Variants in OR14J1 observed in about 807,000 individuals in gnomAD.
The protein encoded by OR14J1 is olfactory receptor family 14 subfamily J member 1.
For synonymous variants in OR14J1, 140 were observed against 146.7 expected, an observed-to-expected ratio of 0.95 and a Z score of 0.33; for missense variants, 378 against 393.4, an observed-to-expected ratio of 0.96 and a Z score of 0.33.
rs1775352216 is a variant in OR14J1, at chr6:29,309,484, T to C, written c.*1829T>C. On this transcript the variant is annotated 3_prime_UTR_variant, in exon 2 of 2. Transcript: ENST00000641895. ...ACTGTTTCCACAATGGTTGAACTAG[T>C]TTACAGTCCCACCAACAGTGTAAAA... is the stretch of plus-strand genomic sequence containing the variant. 6.6e-6 allele frequency: 1 copy of C among 152,238 alleles called. No individual in the cohort carries two copies. Among genetic ancestry groups the C allele is most frequent in the Admixed American group, 6.5e-5 (1 of 15,290 alleles). 9.4% of individuals were successfully genotyped at this position (152,238 alleles called of 1,614,324 possible).
intron 1 of OR14J1, among the ~76,000 whole-genome samples, chr6:29,304,691 G>T (rs1294403755): frequency 3.3e-5 from 5 of 152,092 alleles, no homozygotes; most frequent in Non-Finnish European, 5.9e-5. Context: ...TGTCTTCAAA[G>T]AAAATAAAAA....
chr6:29,307,720 C>T lies in OR14J1; in HGVS notation c.*65C>T. ...ATTGGAAGAGAGGTGAATCTTATTT[C>T]TACCCAGAATGCTCTTCCAAGCTGT... On this transcript the variant is annotated 3_prime_UTR_variant, in exon 2 of 2. Transcript: ENST00000641895. The T allele has an allele frequency of 1.1e-6, 1 of 936,018 alleles. No homozygotes were observed. The highest frequency in any genetic ancestry group is 1.6e-6 in the Non-Finnish European group (1 of 615,454). 58.0% of individuals were successfully genotyped at this position (936,018 alleles called of 1,614,324 possible).
At chr6:29,304,170 A>G (rs1774910210) in intron 1 of OR14J1, among the ~76,000 whole-genome samples, 1 of 152,202 alleles carries the variant, frequency 6.6e-6, no homozygotes, top group African/African-American at 2.4e-5. Flanking sequence ...AATAGAGGAA[A>G]ATAGTGAAGA....
In OR14J1 at chr6:29,307,494, G is replaced by T; in HGVS notation, c.805G>T (p.Asp269Tyr). 1.9e-6 allele frequency: 3 copies of T among 1,612,878 alleles called. No individual in the cohort carries two copies. Among genetic ancestry groups the T allele is most frequent in the Non-Finnish European group, 2.5e-6 (3 of 1,180,004 alleles). Reference protein sequence around the residue: ...RLPSDSSSTVDLVFSVFYTVI... With the variant: ...RLPSDSSSTVYLVFSVFYTVI... ...GCCTTCTGATTCCTCATCGACTGTG[G>T]ACCTTGTATTCTCCGTATTCTATAC... Residue 269 changes from aspartate to tyrosine, a missense_variant, in exon 2 of 2, where the codon GAC becomes TAC. Asp to Tyr is a radical substitution (Grantham distance 160, BLOSUM62 -3). Transcript: ENST00000641895.
rs568228887 is a variant in OR14J1, at chr6:29,309,138, C to G, written c.*1483C>G. ...AACATGCAATGTTTAGTTTTATGTTCTTGTGTTAGTTTGCTGAGAATGATG... is the reference window on the plus strand; with the variant it reads ...AACATGCAATGTTTAGTTTTATGTTGTTGTGTTAGTTTGCTGAGAATGATG... On this transcript the variant is annotated 3_prime_UTR_variant, in exon 2 of 2. Transcript: ENST00000641895. The G allele has an allele frequency of 1.3e-5, 2 of 152,260 alleles. No homozygotes were observed. Among genetic ancestry groups the G allele is most frequent in the South Asian group, 2.1e-4 (1 of 4,826 alleles). 9.4% of individuals were successfully genotyped at this position (152,260 alleles called of 1,614,324 possible).
At position 29,308,835 on chromosome 6, in the gene OR14J1, C is replaced by A. The variant is rs1431642921; in HGVS notation, c.*1180C>A. ...GTTATAATATCTACATATGCATATA[C>A]CTTAGTAAGTTTTTTTTCTTTAATC... On this transcript the variant is annotated 3_prime_UTR_variant, in exon 2 of 2. Coordinates refer to ENST00000641895, the MANE Select transcript of OR14J1 (RefSeq NM_030946.2). The A allele has an allele frequency of 3.8e-5, 1 of 26,570 alleles. No individual in the cohort carries two copies. Among genetic ancestry groups the A allele is most frequent in the East Asian group, 1.1e-3 (1 of 898 alleles). The allele number at this position is 26,570 out of a possible 1,614,324, so 1.6% of individuals were successfully genotyped here.
chr6:29,307,024 T>G lies in OR14J1; in HGVS notation c.335T>G (p.Ile112Ser), dbSNP rs1410227435. The G allele has an allele frequency of 6.2e-7, 1 of 1,613,058 alleles. No homozygotes were observed. Among genetic ancestry groups the G allele is most frequent in the Non-Finnish European group, 8.5e-7 (1 of 1,180,032 alleles). ...FIALASSEVA[I>S]LTVMSYDRYA... The stretch of plus-strand genomic sequence containing the variant: ...GCTCTGGCCTCATCAGAAGTGGCCA[T>G]TCTCACAGTGATGTCTTATGACAGG... Residue 112 changes from isoleucine to serine, a missense_variant, in exon 2 of 2, where the codon ATT becomes AGT. Physicochemically the swap from Ile to Ser is moderately radical, Grantham distance 142. Transcript: ENST00000641895.
Position 29,308,227 on chromosome 6 carries a change from C to A in OR14J1, c.*572C>A, listed in dbSNP as rs995790467. The A allele has an allele frequency of 2.6e-5, 4 of 152,062 alleles. No individual in the cohort carries two copies. Among genetic ancestry groups the A allele is most frequent in the African/African-American group, 9.7e-5 (4 of 41,404 alleles). The allele number at this position is 152,062 out of a possible 1,614,324, so 9.4% of individuals were successfully genotyped here. On this transcript the variant is annotated 3_prime_UTR_variant, in exon 2 of 2. Coordinates refer to ENST00000641895, the MANE Select transcript of OR14J1 (RefSeq NM_030946.2). ...GGATTAGTTAATTTTCCTGAGATTTCTCAAATAAATGGTAGTTAAGCTCTG... is the reference window on the plus strand; with the variant it reads ...GGATTAGTTAATTTTCCTGAGATTTATCAAATAAATGGTAGTTAAGCTCTG...
chr6:29,303,383 A>T (rs2151188128), intron 1 of OR14J1, among the ~76,000 whole-genome samples: 1 of 152,340 alleles, frequency 6.6e-6, no homozygotes, highest in East Asian at 1.9e-4. Context: ...GTTTTAGAAG[A>T]AAGAACTGTA....
chr6:29,303,210 G>C (rs1196406729), intron 1 of OR14J1, among the ~76,000 whole-genome samples: 1 of 152,160 alleles, frequency 6.6e-6, no homozygotes, highest in African/African-American at 2.4e-5. Flanking sequence ...GAATATTTTT[G>C]AGTAAACAAA....
At chr6:29,305,491 A>G (rs1173877303) in intron 1 of OR14J1, among the ~76,000 whole-genome samples, 1 of 152,218 alleles carries the variant, frequency 6.6e-6, no homozygotes, top group African/African-American at 2.4e-5. Context: ...AGAAATGGAC[A>G]GAAATGATGA....
Position 29,307,237 on chromosome 6 carries a change from T to C in OR14J1, c.548T>C (p.Leu183Pro). 1 of 1,613,050 alleles carries C rather than the reference T, an allele frequency of 6.2e-7. No individual in the cohort carries two copies. Among genetic ancestry groups the C allele is most frequent in the Middle Eastern group, 1.6e-4 (1 of 6,062 alleles). The change falls in exon 2 of 2, where the codon CTG becomes CCG. Residue 183 changes from leucine (L) to proline (P), a missense_variant. Leu to Pro is a moderately conservative substitution (Grantham distance 98, BLOSUM62 -3). Transcript: ENST00000641895. ...TTCTTCTGTGATGTTCCTCAGATGC[T>C]GAAACTAGCCTGTTCTTATGAATTC... ...HQFFCDVPQM[L>P]KLACSYEFIN...
rs1775205191 is a variant in OR14J1, at chr6:29,307,594, T to G, written c.905T>G (p.Met302Arg). ...NDSMKAALRK[M>R]LSKEELPQRK... ...TCCATGAAGGCAGCACTGAGGAAGATGCTGTCAAAGGAAGAGCTTCCTCAG... is the reference window on the plus strand; with the variant it reads ...TCCATGAAGGCAGCACTGAGGAAGAGGCTGTCAAAGGAAGAGCTTCCTCAG... The change falls in exon 2 of 2, where the codon ATG becomes AGG. Residue 302 changes from methionine to arginine, a missense_variant. Physicochemically the swap from Met to Arg is moderately conservative, Grantham distance 91. Transcript: ENST00000641895. 2 of 1,611,062 alleles carry G rather than the reference T, an allele frequency of 1.2e-6. No homozygotes were observed. Among genetic ancestry groups the G allele is most frequent in the Middle Eastern group, 1.7e-4 (1 of 6,058 alleles).
rs147062235 is a variant in OR14J1 at position 29,306,914 on chromosome 6, A to G, written c.225A>G (p.Thr75=). The change falls in exon 2 of 2, where the codon ACA becomes ACG. Residue 75 remains threonine, a synonymous_variant. Transcript: ENST00000641895. Reference sequence around the variant, plus strand: ...TGGACCTCTGCTTCATCTCTGTCACAGTCCCCCAGTCCATTGCAAATTCAC... The same window carrying G: ...TGGACCTCTGCTTCATCTCTGTCACGGTCCCCCAGTCCATTGCAAATTCAC... ...SLLDLCFISV[T]VPQSIANSLM... The G allele has an allele frequency of 6.2e-7, 1 of 1,612,966 alleles. No homozygotes were observed. The highest frequency in any genetic ancestry group is 1.3e-5 in the African/African-American group (1 of 74,916).
At position 29,307,207 on chromosome 6, in the gene OR14J1, AC is replaced by A; in HGVS notation, c.520del (p.Gln174AsnfsTer10). The A allele has an allele frequency of 6.2e-7, 1 of 1,613,022 alleles. No individual in the cohort carries two copies. The highest frequency in any genetic ancestry group is 8.5e-7 in the Non-Finnish European group (1 of 1,180,014). ...SIPLCGKRVI[H>X]QFFCDVPQML... is the part of the protein sequence containing the mutation. Reference sequence around the variant, plus strand: ...CCTCTCTGTGGGAAGAGAGTCATTCACCAATTCTTCTGTGATGTTCCTCAGA... The same window carrying A: ...CCTCTCTGTGGGAAGAGAGTCATTCACAATTCTTCTGTGATGTTCCTCAGA... On this transcript the variant is annotated frameshift_variant, in exon 2 of 2. Coordinates refer to ENST00000641895, the MANE Select transcript of OR14J1 (RefSeq NM_030946.2). LOFTEE classifies it low-confidence loss of function (END_TRUNC).
At chr6:29,304,874 C>T (rs528614194) in intron 1 of OR14J1, among the ~76,000 whole-genome samples, 3 of 152,178 alleles carry the variant, frequency 2.0e-5, no homozygotes, top group Admixed American at 6.5e-5. Context: ...GTAAGTAACA[C>T]GATGCTTTTG....
intron 1 of OR14J1, among the ~76,000 whole-genome samples, chr6:29,302,026 G>T (rs539999770): frequency 6.6e-5 from 10 of 152,146 alleles, no homozygotes; most frequent in African/African-American, 2.2e-4. Flanking sequence ...AATCTTAAAT[G>T]AATGCAATCT....
chr6:29,305,819 T>C (rs1363867701), intron 1 of OR14J1, among the ~76,000 whole-genome samples: 2 of 151,936 alleles, frequency 1.3e-5, no homozygotes, highest in African/African-American at 2.4e-5. Context: ...TATATATATA[T>C]TTTTTCATTC....
At chr6:29,306,297 C>G (rs1775079056) in intron 1 of OR14J1, among the ~76,000 whole-genome samples, 2 of 152,050 alleles carry the variant, frequency 1.3e-5, no homozygotes, top group Admixed American at 1.3e-4. Flanking sequence ...AGCTGGTTAG[C>G]AAAAGAAGCT....
Sources: allele counts gnomAD v4.1 joint callset (sites outside exome capture counted in the v4.1 genomes callset), GRCh38; gene constraint gnomAD v4.1.1; transcripts MANE v1.5; gene names NCBI Gene and HGNC (gene_info 2026-07-23, HGNC 2026-07-21).